Variants in CORO7 observed in about 807,000 individuals in gnomAD.
The protein encoded by CORO7 is coronin-7.
In CORO7, 107 loss-of-function variants were observed where a neutral mutation model predicts 126.6. The ratio of observed to expected loss-of-function variants is 0.85; its 90% CI spans 0.72 to 0.99. The LOEUF (loss-of-function observed/expected upper bound fraction) is 0.99, where lower values mean the gene tolerates loss of function less well. Ranked by LOEUF, CORO7 falls within the 50% of genes least tolerant of loss-of-function variation. The pLI is 0.00. For missense variants in CORO7, 1,314 were observed against 1,255.8 expected (o/e 1.05, Z -0.70); for synonymous variants, 603 against 536.8 (o/e 1.12, Z -1.70).
intron 1 of CORO7, among the ~76,000 whole-genome samples, chr16:4,416,172 C>G (rs1037359318): frequency 1.3e-5 from 2 of 152,092 alleles, no homozygotes; most frequent in Admixed American, 6.5e-5. Flanking sequence ...TGGGCCCCGG[C>G]TAGGAGGGCT....
At chr16:4,358,837 G>A in intron 23 of CORO7, 1 of 290,784 alleles carries the variant, frequency 3.4e-6, no homozygotes, top group Non-Finnish European at 6.4e-6. Context: ...AGTAAAATTG[G>A]ATAAATTAAT....
chr16:4,355,588 C>G lies in CORO7; in HGVS notation c.2686-216G>C, dbSNP rs1383277704. ...GGTTTACACCACTGTCCTGCCTCAGCCTCCCAAGGAGCTGGGATTACAGGC... is the reference window on the plus strand; with the variant it reads ...GGTTTACACCACTGTCCTGCCTCAGGCTCCCAAGGAGCTGGGATTACAGGC... On this transcript the variant is annotated intron_variant, in intron 26 of 27. Transcript: ENST00000251166. The G allele has an allele frequency of 1.1e-5, 6 of 549,984 alleles. No homozygotes were observed. The East Asian group carries it at 1.8e-4, about 16-fold the overall frequency. The allele number at this position is 549,984 out of a possible 1,614,324, so 34.1% of individuals were successfully genotyped here.
chr16:4,388,126 G>C, intron 8 of CORO7, 58 bp from the exon 9 acceptor site: 1 of 1,563,670 alleles, frequency 6.4e-7, no homozygotes, highest in Non-Finnish European at 8.7e-7. Context: ...CCACCCGGGG[G>C]GCTCCCAGGG....
intron 1 of CORO7, among the ~76,000 whole-genome samples, chr16:4,413,706 T>G (rs1183087054): frequency 6.6e-6 from 1 of 151,752 alleles, no homozygotes; most frequent in African/African-American, 2.4e-5. Flanking sequence ...CCCAGCTAAT[T>G]TTTGTATTGT....
chr16:4,414,714 G>A (rs1255408191), intron 1 of CORO7, among the ~76,000 whole-genome samples: 2 of 152,156 alleles, frequency 1.3e-5, no homozygotes, highest in East Asian at 3.8e-4. Flanking sequence ...ATGCCTATCT[G>A]TTTATGTTGC....
At chr16:4,364,255 G>T in intron 14 of CORO7, 21 bp downstream of exon 14, 1 of 1,519,002 alleles carries the variant, frequency 6.6e-7, no homozygotes. Flanking sequence ...GAGGGAGGAT[G>T]GGGGCGGCCC....
chr16:4,371,838 C>A (rs1000604888), intron 9 of CORO7: 2 of 152,118 alleles, frequency 1.3e-5, no homozygotes, highest in African/African-American at 4.8e-5. Flanking sequence ...CGACCTGCCT[C>A]CAGCGAGCCG....
intron 9 of CORO7, chr16:4,382,370 A>C: frequency 6.2e-7 from 1 of 1,612,190 alleles, no homozygotes; most frequent in South Asian, 1.1e-5. Flanking sequence ...CGTCTCACCT[A>C]TCGCAACCTA....
intron 9 of CORO7, among the ~76,000 whole-genome samples, chr16:4,379,942 C>T (rs2054893060): frequency 6.7e-6 from 1 of 149,076 alleles, no homozygotes; most frequent in African/African-American, 2.5e-5. Flanking sequence ...CCTGTAGTCC[C>T]AGCTACATGG....
chr16:4,379,880 T>TAA lies in CORO7; in HGVS notation c.785+8104_785+8105dup, dbSNP rs34020450. Among the ~76,000 whole-genome samples the TAA allele has an allele frequency of 7.6e-3, 825 of 109,150 alleles. 15 individuals carry two copies. Among genetic ancestry groups the TAA allele is most frequent in the South Asian group, 0.017 (53 of 3,206 alleles). 71.6% of individuals were successfully genotyped at this position (109,150 alleles called of 152,430 possible). ...CAACATGGTGAAACCCTGTCTCTAC[T>TAA]AAAAAAAAAAAAAAAAAAAATACAA... On this transcript the variant is annotated intron_variant, in intron 9 of 27. Coordinates refer to ENST00000251166, the MANE Select transcript of CORO7 (RefSeq NM_024535.5).
rs755643765 is a variant in CORO7, at chr16:4,382,251, G to A, written c.785+5735C>T. 1.7e-5 allele frequency: 27 copies of A among 1,607,938 alleles called. No homozygotes were observed. The South Asian group carries it at 2.1e-4, about 13-fold the overall frequency. ...GGCCCAGCCCTACACCAGTCACGCC[G>A]AGGCCACCACGGTCCCTGACCCTGG... On this transcript the variant is annotated intron_variant, in intron 9 of 27. Transcript: ENST00000251166.
chr16:4,364,639 A>T lies in CORO7; in HGVS notation c.1095T>A (p.Pro365=). 12 of 1,576,830 alleles carry T rather than the reference A, an allele frequency of 7.6e-6. No individual in the cohort carries two copies. Among genetic ancestry groups the T allele is most frequent in the Non-Finnish European group, 1.0e-5 (12 of 1,162,152 alleles). ...CCCACCAGCTATGGGGGTCGGTGGCAGGCACACAGCCGGCAGTGTCCGGGA... is the reference window on the plus strand; with the variant it reads ...CCCACCAGCTATGGGGGTCGGTGGCTGGCACACAGCCGGCAGTGTCCGGGA... ...DLFPDTAGCV[P]ATDPHSWWAG... is the part of the protein sequence containing the mutation. The change falls in exon 13 of 28, where the codon CCT becomes CCA. Residue 365 remains proline, a synonymous_variant. Coordinates refer to ENST00000251166, the MANE Select transcript of CORO7 (RefSeq NM_024535.5).
At chr16:4,371,771 A>C (rs2054532891) in intron 9 of CORO7, 2 of 152,084 alleles carry the variant, frequency 1.3e-5, no homozygotes, top group Non-Finnish European at 2.9e-5. Flanking sequence ...GCCCCGGCCA[A>C]TGGGGAGAGG....
chr16:4,392,159 GT>G (rs1235682623), intron 7 of CORO7, among the ~76,000 whole-genome samples: 1 of 152,162 alleles, frequency 6.6e-6, no homozygotes, highest in Non-Finnish European at 1.5e-5. Context: ...CCAGACAAGG[GT>G]TCTGAGGCCT....
chr16:4,388,816 G>A (rs939318946), intron 7 of CORO7, among the ~76,000 whole-genome samples, 185 bp from the exon 8 acceptor site: 2 of 152,118 alleles, frequency 1.3e-5, no homozygotes, highest in African/African-American at 4.8e-5. Flanking sequence ...AGCACCCCGG[G>A]GATCAGCCCC....
chr16:4,359,110 C>T (rs2054074688), intron 23 of CORO7, 186 bp downstream of exon 23: 1 of 667,352 alleles, frequency 1.5e-6, no homozygotes, highest in African/African-American at 1.8e-5. Flanking sequence ...ATGACAATGG[C>T]TCTCAAAATT....
intron 9 of CORO7, among the ~76,000 whole-genome samples, chr16:4,372,356 G>A (rs2054566192): frequency 6.6e-6 from 1 of 152,274 alleles, no homozygotes; most frequent in African/African-American, 2.4e-5. Flanking sequence ...CCAAGCCACA[G>A]GCTTGGGTCA....
chr16:4,416,118 G>A (rs1234354011), intron 1 of CORO7, among the ~76,000 whole-genome samples: 1 of 152,122 alleles, frequency 6.6e-6, no homozygotes, highest in East Asian at 1.9e-4. Flanking sequence ...CCGGCTCCCG[G>A]CGAGGCCGAC....
At chr16:4,381,789 C>T in intron 9 of CORO7, 1 of 1,600,402 alleles carries the variant, frequency 6.2e-7, no homozygotes, top group South Asian at 1.1e-5. Context: ...ACTGCGTGTG[C>T]CCCCTGAGCT....
Sources: allele counts gnomAD v4.1 joint callset (sites outside exome capture counted in the v4.1 genomes callset), GRCh38; gene constraint gnomAD v4.1.1; transcripts MANE v1.5; gene names NCBI Gene and HGNC (gene_info 2026-07-23, HGNC 2026-07-21).